ZNF398: variants seen among roughly 807,000 people sequenced by gnomAD.
The protein encoded by ZNF398 is zinc finger protein 398.
A neutral mutation model predicts 41.9 loss-of-function variants in ZNF398; 18 were observed. The observed-to-expected ratio is 0.43, with a 90% CI of 0.30 to 0.64. ZNF398 has a LOEUF of 0.64. Among genes scored for constraint, ZNF398 ranks in the 30% least tolerant of loss-of-function variants. The probability of loss-of-function intolerance (pLI) is 0.14; values close to 1 mark genes in which losing one functional copy is unlikely to be tolerated. For synonymous variants in ZNF398, 260 were observed against 308.8 expected (o/e 0.84, Z 1.66); for missense variants, 669 against 822.8 (o/e 0.81, Z 2.29).
chr7:149,136,923 A>G (rs1459622801), intron 2 of ZNF398, among the ~76,000 whole-genome samples: 1 of 143,940 alleles, frequency 6.9e-6, no homozygotes, highest in African/African-American at 2.6e-5. Context: ...ATGGAGTGCA[A>G]TGGCATGGTC....
intron 2 of ZNF398, among the ~76,000 whole-genome samples, chr7:149,159,966 T>A (rs1795071153): frequency 6.6e-6 from 1 of 152,064 alleles, no homozygotes; most frequent in South Asian, 2.1e-4. Flanking sequence ...CCTCAAGTGA[T>A]CCTTCTTCCT....
intron 1 of ZNF398, among the ~76,000 whole-genome samples, chr7:149,149,091 T>C (rs1827043480): frequency 1.3e-5 from 2 of 151,494 alleles, no homozygotes; most frequent in East Asian, 3.9e-4. Context: ...ATCACTTGAG[T>C]CCAGGAGTTC....
chr7:149,169,653 T>C (rs894887122), intron 4 of ZNF398, among the ~76,000 whole-genome samples: 12 of 152,110 alleles, frequency 7.9e-5, no homozygotes, highest in African/African-American at 2.4e-4. Context: ...GGGTTTGCCA[T>C]GTTGCCCGGG....
chr7:149,127,376 C>T (rs1445582145), intron 1 of ZNF398, among the ~76,000 whole-genome samples: 1 of 111,992 alleles, frequency 8.9e-6, no homozygotes, highest in Non-Finnish European at 1.9e-5. Context: ...ATGCACCTTA[C>T]TGATTAAAGG....
At chr7:149,155,712 T>A (rs1426179378) in intron 2 of ZNF398, among the ~76,000 whole-genome samples, 503 of 20,642 alleles carry the variant, frequency 0.024, 6 homozygotes, top group African/African-American at 0.053. Context: ...TATATATTTT[T>A]TTTTTTTTTT....
upstream of ZNF398, among the ~76,000 whole-genome samples, chr7:149,146,477 AGTT>A (rs1795261511): frequency 6.6e-6 from 1 of 152,186 alleles, no homozygotes; most frequent in Admixed American, 6.6e-5. Context: ...TGAGCCCAGC[AGTT>A]TAAGGCTGCA....
At chr7:149,136,243 A>G (rs1826710393) in intron 2 of ZNF398, among the ~76,000 whole-genome samples, 1 of 152,174 alleles carries the variant, frequency 6.6e-6, no homozygotes, top group African/African-American at 2.4e-5. Context: ...ATCACACTCA[A>G]GGCTGCCACC....
intron 2 of ZNF398, among the ~76,000 whole-genome samples, chr7:149,162,795 C>T (rs989386516): frequency 4.6e-5 from 7 of 151,996 alleles, no homozygotes; most frequent in Middle Eastern, 3.4e-3. Flanking sequence ...CAGTGGTTCA[C>T]GCCTGTACTC....
At chr7:149,178,598 G>A (rs1050652133) in intron 5 of ZNF398, 50 bp from the exon 6 acceptor site, 1 of 1,490,072 alleles carries the variant, frequency 6.7e-7, no homozygotes, top group African/African-American at 1.4e-5. Context: ...CATGAGAGTT[G>A]CTAGTGAGAC....
chr7:149,179,937 TGACTA>T lies in ZNF398; in HGVS notation c.*139_*143del, dbSNP rs3837098. ...CAATGAATTTGGGGTCCTATACACTTGACTAGAGACATGCTTGTGTTTTGGAATTT... is the reference window on the plus strand; with the variant it reads ...CAATGAATTTGGGGTCCTATACACTTGAGACATGCTTGTGTTTTGGAATTT... On this transcript the variant is annotated 3_prime_UTR_variant, in exon 6 of 6. Coordinates refer to ENST00000475153, the MANE Select transcript of ZNF398 (RefSeq NM_170686.3). The surrounding 1 kb of genome is among the most constrained non-coding windows in gnomAD (Gnocchi z 6.1). 0.63 allele frequency: 488,789 copies of T among 774,054 alleles called. 162,811 individuals are homozygous for T. Among genetic ancestry groups the T allele is most frequent in the East Asian group, 0.91 (32,998 of 36,204 alleles). The allele number at this position is 774,054 out of a possible 1,614,324, so 47.9% of individuals were successfully genotyped here. A position where few individuals can be genotyped will look rare whatever the true frequency, so the allele number is the denominator to read the frequency against.
intron 2 of ZNF398, among the ~76,000 whole-genome samples, chr7:149,157,059 G>C (rs1794995514): frequency 6.6e-6 from 1 of 152,040 alleles, no homozygotes; most frequent in South Asian, 2.1e-4. Flanking sequence ...ACCACGTTAG[G>C]TTTACTGTCT....
At chr7:149,177,770 A>C (rs1427829165) in intron 5 of ZNF398, among the ~76,000 whole-genome samples, 1 of 152,234 alleles carries the variant, frequency 6.6e-6, no homozygotes, top group African/African-American at 2.4e-5. Context: ...GTAGAGGTAA[A>C]ATATAGTGAA....
intron 1 of ZNF398, among the ~76,000 whole-genome samples, chr7:149,153,452 T>C (rs1419610365): frequency 1.3e-5 from 2 of 152,240 alleles, no homozygotes; most frequent in Non-Finnish European, 2.9e-5. Flanking sequence ...ACCCTCATTA[T>C]CTGAAAACAG....
intron 2 of ZNF398, among the ~76,000 whole-genome samples, chr7:149,165,156 T>C (rs1166077623): frequency 2.0e-5 from 3 of 151,610 alleles, no homozygotes; most frequent in Admixed American, 6.6e-5. Flanking sequence ...AATTTTGACC[T>C]GGAATAGTAA....
At chr7:149,129,900 A>T (rs898977040) in intron 2 of ZNF398, among the ~76,000 whole-genome samples, 2 of 152,086 alleles carry the variant, frequency 1.3e-5, no homozygotes, top group African/African-American at 2.4e-5. Context: ...TCCCAGGTTC[A>T]AGCGATTCTC....
At chr7:149,140,630 C>T (rs545675906) in intron 2 of ZNF398, among the ~76,000 whole-genome samples, 5 of 152,176 alleles carry the variant, frequency 3.3e-5, no homozygotes, top group Admixed American at 2.6e-4. Context: ...GTGATCCACC[C>T]GACTCGGCCT....
chr7:149,178,543 T>G (rs1795518439), intron 5 of ZNF398, 105 bp from the exon 6 acceptor site: 4 of 959,536 alleles, frequency 4.2e-6, no homozygotes, highest in Non-Finnish European at 6.3e-6. Flanking sequence ...TCTGCTGTAT[T>G]TCTGATCTGA....
chr7:149,150,451 T>C lies in ZNF398; in HGVS notation c.24+2685T>C, dbSNP rs377583254. On this transcript the variant is annotated intron_variant, in intron 1 of 5. Transcript: ENST00000475153. ...CTGTCTCTACCAAAAATACAAAAATTAGCAGGGCATGGTGGTGTGTGCCTG... is the reference window on the plus strand; with the variant it reads ...CTGTCTCTACCAAAAATACAAAAATCAGCAGGGCATGGTGGTGTGTGCCTG... Among the ~76,000 whole-genome samples the C allele has an allele frequency of 1.5e-4, 23 of 151,964 alleles. No individual in the cohort carries two copies. The South Asian group carries it at 4.8e-3, about 32-fold the overall frequency.
intron 1 of ZNF398, among the ~76,000 whole-genome samples, chr7:149,149,853 TA>T (rs1468167291): frequency 1.3e-5 from 2 of 151,924 alleles, no homozygotes; most frequent in Middle Eastern, 6.3e-3. Context: ...AACAAACAAA[TA>T]TTTTTTTCAT....
Sources: gnomAD v4.1 joint callset for allele counts (sites outside exome capture counted in the v4.1 genomes callset) on GRCh38, gnomAD v4.1.1 for gene constraint, Gnocchi (gnomAD v3.1) non-coding constraint, MANE v1.5 for transcripts, NCBI Gene and HGNC (gene_info 2026-07-23, HGNC 2026-07-21) for gene names.